NR1H4: variants seen among roughly 807,000 people sequenced by gnomAD.
The protein encoded by NR1H4 is bile acid receptor.
NR1H4 carries 23 observed loss-of-function variants against 58.5 expected under a neutral mutation model. The ratio of observed to expected loss-of-function variants is 0.39; its 90% confidence interval spans 0.28 to 0.56. The LOEUF is 0.56. Among genes scored for constraint, NR1H4 ranks in the 20% least tolerant of loss-of-function variants. The probability of loss-of-function intolerance (pLI) is 0.58; values close to 1 mark genes in which losing one functional copy is unlikely to be tolerated. For missense variants in NR1H4, 487 were observed against 576.9 expected (o/e 0.84, Z 1.60); for synonymous variants, 214 against 198.0 (o/e 1.08, Z -0.68).
At chr12:100,556,619 A>G (rs1037917493) in intron 9 of NR1H4, among the ~76,000 whole-genome samples, 2 of 152,216 alleles carry the variant, frequency 1.3e-5, no homozygotes, top group African/African-American at 4.8e-5. Context: ...GCTGCCTGAG[A>G]GGCCTGTCTC....
At chr12:100,485,440 T>C (rs972914028) in intron 1 of NR1H4, among the ~76,000 whole-genome samples, 1 of 152,244 alleles carries the variant, frequency 6.6e-6, no homozygotes, top group Non-Finnish European at 1.5e-5. Flanking sequence ...TATCAAACTG[T>C]ATGTATTATT....
chr12:100,493,024 A>G (rs1355586884), intron 2 of NR1H4, among the ~76,000 whole-genome samples: 5 of 152,158 alleles, frequency 3.3e-5, no homozygotes, highest in Admixed American at 6.6e-5. Flanking sequence ...GAATGAAAAC[A>G]TACGGTGTTT....
At chr12:100,485,124 T>A (rs1318253903) in intron 1 of NR1H4, among the ~76,000 whole-genome samples, 1 of 152,244 alleles carries the variant, frequency 6.6e-6, no homozygotes. Context: ...CCCAGTCACA[T>A]TCTGCAGCTC....
intron 3 of NR1H4, among the ~76,000 whole-genome samples, chr12:100,504,170 G>T (rs1215883062): frequency 6.6e-6 from 1 of 152,144 alleles, no homozygotes; most frequent in Non-Finnish European, 1.5e-5. Context: ...TTGAGCTTTA[G>T]GCCCAGGCTC....
chr12:100,475,498 A>G (rs887526572), intron 1 of NR1H4, among the ~76,000 whole-genome samples: 18 of 152,160 alleles, frequency 1.2e-4, no homozygotes, highest in Admixed American at 9.8e-4. Context: ...GGAGAGGGAA[A>G]GTCATGGAAT....
At chr12:100,553,577 C>T (rs1369069474) in intron 9 of NR1H4, among the ~76,000 whole-genome samples, 1 of 152,128 alleles carries the variant, frequency 6.6e-6, no homozygotes, top group Middle Eastern at 3.2e-3. Flanking sequence ...TCAGAATGCT[C>T]TTGGCCGATA....
intron 9 of NR1H4, among the ~76,000 whole-genome samples, chr12:100,547,089 T>C (rs1955088702): frequency 1.3e-5 from 2 of 152,150 alleles, no homozygotes. Context: ...TTGTACCTTC[T>C]CTTTCTTCAA....
chr12:100,503,535 T>C (rs1188896932), intron 3 of NR1H4: 1 of 1,542,338 alleles, frequency 6.5e-7, no homozygotes, highest in Non-Finnish European at 8.7e-7. Flanking sequence ...GTCGAGCTCT[T>C]GCAACTGGAC....
At chr12:100,489,596 A>G (rs571657298) in intron 1 of NR1H4, among the ~76,000 whole-genome samples, 1 of 152,338 alleles carries the variant, frequency 6.6e-6, no homozygotes, top group African/African-American at 2.4e-5. Flanking sequence ...ACACAAAAAC[A>G]GGCAGCCGAC....
At chr12:100,530,420 A>G (rs1048024558) in intron 4 of NR1H4, among the ~76,000 whole-genome samples, 1 of 152,234 alleles carries the variant, frequency 6.6e-6, no homozygotes, top group African/African-American at 2.4e-5. Context: ...AATAGCTACT[A>G]GGTGCTTAAT....
At position 100,547,287 on chromosome 12, in the gene NR1H4, A is replaced by G. The variant is rs1287548769; in HGVS notation, c.1078+6469A>G. On this transcript the variant is annotated intron_variant, in intron 9 of 10. Transcript: ENST00000392986. ...TCAATATGTCAAGACAGAGATTGTC[A>G]CAAGAAACAAAGCTGGAGCCAAGTT... is the stretch of plus-strand genomic sequence containing the variant. 3.3e-5 allele frequency among the ~76,000 whole-genome samples: 5 copies of G among 152,174 alleles called. No individual in the cohort carries two copies. The East Asian group carries it at 7.7e-4, about 23-fold the overall frequency.
chr12:100,529,597 C>T (rs1374363448), intron 4 of NR1H4, among the ~76,000 whole-genome samples: 1 of 152,146 alleles, frequency 6.6e-6, no homozygotes, highest in Non-Finnish European at 1.5e-5. Context: ...GGAGTATCTA[C>T]CCTTTCTTGG....
chr12:100,482,294 T>C (rs1208608694), intron 1 of NR1H4, among the ~76,000 whole-genome samples: 1 of 151,604 alleles, frequency 6.6e-6, no homozygotes, highest in East Asian at 1.9e-4. Flanking sequence ...GATTTCTTTA[T>C]GTGACAAAAA....
At chr12:100,560,444 G>T (rs1359965040) in intron 9 of NR1H4, among the ~76,000 whole-genome samples, 1 of 152,138 alleles carries the variant, frequency 6.6e-6, no homozygotes, top group Non-Finnish European at 1.5e-5. Flanking sequence ...AACCCAGCGA[G>T]ACCACGAGCC....
At chr12:100,555,275 A>G (rs1955296400) in intron 9 of NR1H4, among the ~76,000 whole-genome samples, 1 of 152,234 alleles carries the variant, frequency 6.6e-6, no homozygotes, top group African/African-American at 2.4e-5. Flanking sequence ...AGGTAACCAC[A>G]ACTGAGGAGT....
chr12:100,507,712 C>T (rs1954002725), intron 3 of NR1H4, among the ~76,000 whole-genome samples: 1 of 152,142 alleles, frequency 6.6e-6, no homozygotes, highest in African/African-American at 2.4e-5. Context: ...AACCACCTGC[C>T]TCGGCCTCCC....
At chr12:100,498,461 A>G (rs1266460875) in intron 3 of NR1H4, among the ~76,000 whole-genome samples, 1 of 152,116 alleles carries the variant, frequency 6.6e-6, no homozygotes. Context: ...TAACGTGGTG[A>G]AACCTCGTCT....
At chr12:100,517,785 C>A (rs936007760) in intron 4 of NR1H4, among the ~76,000 whole-genome samples, 1 of 152,128 alleles carries the variant, frequency 6.6e-6, no homozygotes, top group Non-Finnish European at 1.5e-5. Flanking sequence ...TGTTGAGTGC[C>A]TTATGCCCAT....
At chr12:100,505,436 C>G in intron 3 of NR1H4, 1 of 483,944 alleles carries the variant, frequency 2.1e-6, no homozygotes, top group Non-Finnish European at 3.7e-6. Flanking sequence ...TTCAATATCC[C>G]TATGTGGTTA....
Sources: allele counts gnomAD v4.1 joint callset (sites outside exome capture counted in the v4.1 genomes callset), GRCh38; gene constraint gnomAD v4.1.1; transcripts MANE v1.5; gene names NCBI Gene and HGNC (gene_info 2026-07-23, HGNC 2026-07-21).